The following FAH variants were observed in gnomAD, a reference collection of about 807,000 sequenced individuals.
FAH encodes the protein fumarylacetoacetate hydrolase, also known as fumarylacetoacetase.
FAH carries 47 observed loss-of-function variants against 55.8 expected under a neutral mutation model. The observed-to-expected ratio is 0.84, with a 90% CI of 0.67 to 1.07. The LOEUF (loss-of-function observed/expected upper bound fraction) is 1.07. Among genes scored for constraint, FAH ranks in the 50% least tolerant of loss-of-function variants. The pLI, the probability that FAH is intolerant of heterozygous loss-of-function variation, is 0.00. For synonymous variants in FAH, 199 were observed against 207.7 expected (o/e 0.96, Z 0.36); for missense variants, 495 against 545.9 (o/e 0.91, Z 0.93).
intron 5 of FAH, chr15:80,167,290 C>A (rs1202516817): frequency 6.6e-6 from 1 of 152,520 alleles, no homozygotes; most frequent in Admixed American, 6.5e-5. Flanking sequence ...CCGTCCTTGT[C>A]CTTGCTGCTT....
intron 13 of FAH, among the ~76,000 whole-genome samples, chr15:80,184,237 G>A (rs116121236): frequency 1.1e-3 from 170 of 152,266 alleles, no homozygotes; most frequent in African/African-American, 3.7e-3. Context: ...GTTATGATTT[G>A]TTGTGGATTC....
At chr15:80,169,481 A>C (rs1368470272) in intron 7 of FAH, among the ~76,000 whole-genome samples, 1 of 152,192 alleles carries the variant, frequency 6.6e-6, no homozygotes, top group Non-Finnish European at 1.5e-5. Flanking sequence ...ACAACCTCAG[A>C]ACTGTGGTCA....
chr15:80,160,580 G>A, intron 4 of FAH, 121 bp downstream of exon 4: 1 of 900,972 alleles, frequency 1.1e-6, no homozygotes, highest in Non-Finnish European at 1.8e-6. Flanking sequence ...AGATGGAGGA[G>A]GGGCTCTGGG....
At chr15:80,161,274 T>G (rs142889834) in intron 4 of FAH, among the ~76,000 whole-genome samples, 1 of 151,748 alleles carries the variant, frequency 6.6e-6, no homozygotes, top group Non-Finnish European at 1.5e-5. Flanking sequence ...CTTTCTTGTT[T>G]TTTTTTTTTT....
intron 8 of FAH, 26 bp downstream of exon 8, chr15:80,172,274 AGAG>A: frequency 3.9e-6 from 6 of 1,545,288 alleles, no homozygotes; most frequent in Non-Finnish European, 5.4e-6. Flanking sequence ...CTGCTCCTGT[AGAG>A]ATGACGGGGA....
chr15:80,155,870 A>G, intron 1 of FAH: 1 of 470,288 alleles, frequency 2.1e-6, no homozygotes, highest in Non-Finnish European at 4.2e-6. Context: ...CTTATAAGAA[A>G]GATCAAAGAC....
intron 10 of FAH, 39 bp downstream of exon 10, chr15:80,175,130 G>A (rs1398161005): frequency 3.8e-6 from 6 of 1,573,148 alleles, no homozygotes; most frequent in Middle Eastern, 3.3e-4. Context: ...GGAGCTCTGA[G>A]GCAATGTGTG....
chr15:80,153,277 G>T (rs563018217), intron 1 of FAH, 142 bp downstream of exon 1: 1 of 732,012 alleles, frequency 1.4e-6, no homozygotes, highest in Non-Finnish European at 2.4e-6. Flanking sequence ...TTCGTTCCGT[G>T]AGAGTGCCTA....
At position 80,159,842 on chromosome 15, in the gene FAH, A is replaced by G. The variant is rs2041133059; in HGVS notation, c.279A>G (p.Gln93=). ...TGCAGAACTTGCTGTCTGTGAGCCA[A>G]GCCAGGCTCAGAGATGACACCGAAC... is the stretch of plus-strand genomic sequence containing the variant. ...VFLQNLLSVS[Q]ARLRDDTELR... The change falls in exon 3 of 14, where the codon CAA becomes CAG. Residue 93 remains glutamine, a synonymous_variant. Coordinates refer to ENST00000561421, the MANE Select transcript of FAH (RefSeq NM_000137.4). 6.2e-7 allele frequency: 1 copy of G among 1,614,130 alleles called. No homozygotes were observed. The highest frequency in any genetic ancestry group is 8.5e-7 in the Non-Finnish European group (1 of 1,180,042).
At chr15:80,180,911 G>A (rs927367612) in intron 12 of FAH, 131 bp from the exon 13 acceptor site, 13 of 714,930 alleles carry the variant, frequency 1.8e-5, no homozygotes, top group East Asian at 1.7e-4. Flanking sequence ...CACCAAGGCC[G>A]AGGCAGGGTC....
chr15:80,171,741 C>A (rs1314071642), intron 7 of FAH, among the ~76,000 whole-genome samples: 1 of 152,184 alleles, frequency 6.6e-6, no homozygotes, highest in Non-Finnish European at 1.5e-5. Flanking sequence ...AGATTATAGA[C>A]GTGAGCCACA....
At chr15:80,169,688 C>T (rs1014376219) in intron 7 of FAH, among the ~76,000 whole-genome samples, 2 of 152,020 alleles carry the variant, frequency 1.3e-5, no homozygotes, top group Admixed American at 6.5e-5. Context: ...CACCTTCCAC[C>T]ATGCCTGGCT....
At chr15:80,182,372 G>A (rs527635047) in intron 13 of FAH, among the ~76,000 whole-genome samples, 43 of 152,336 alleles carry the variant, frequency 2.8e-4, no homozygotes, top group African/African-American at 9.6e-4. Context: ...GGAGAGCAAA[G>A]TTTAGTCCAA....
At chr15:80,167,938 T>C in intron 5 of FAH, 114 bp from the exon 6 acceptor site, 1 of 816,164 alleles carries the variant, frequency 1.2e-6, no homozygotes, top group South Asian at 1.4e-5. Context: ...ACCTGTTGAT[T>C]TTTGAGCCAT....
chr15:80,153,264 AGATTCG>A, intron 1 of FAH, 129 bp downstream of exon 1: 1 of 785,352 alleles, frequency 1.3e-6, no homozygotes, highest in South Asian at 1.5e-5. Flanking sequence ...TTTTCTCTTA[AGATTCG>A]TTCCGTGAGA....
At chr15:80,177,839 T>C (rs1411976278) in intron 11 of FAH, among the ~76,000 whole-genome samples, 2 of 152,210 alleles carry the variant, frequency 1.3e-5, no homozygotes, top group East Asian at 3.8e-4. Context: ...TAGTTCCTGG[T>C]TTATCCTGTC....
chr15:80,186,765 G>A (rs2041374688), downstream of FAH: 1 of 198,120 alleles, frequency 5.0e-6, no homozygotes, highest in Admixed American at 5.3e-5. Context: ...TCATTGTTTG[G>A]TGAAGGCCAT....
At position 80,158,279 on chromosome 15, in the gene FAH, G is replaced by A. The variant is rs11072882; in HGVS notation, c.192+109G>A. The stretch of plus-strand genomic sequence containing the variant: ...TTCCGATAGAGGTAATGCCATCGAA[G>A]GTCTCAGAGGTTATACTTGGATAAG... On this transcript the variant is annotated intron_variant, in intron 2 of 13. Transcript: ENST00000561421. The A allele has an allele frequency of 1.6e-3, 1,383 of 847,734 alleles. 18 individuals are homozygous for A. The African/African-American group carries it at 0.02, about 12-fold the overall frequency. 52.5% of individuals were successfully genotyped at this position (847,734 alleles called of 1,614,324 possible). A position where few individuals can be genotyped will look rare whatever the true frequency, so the allele number is the denominator to read the frequency against.
At position 80,168,252 on chromosome 15, in the gene FAH, G is replaced by A; in HGVS notation, c.554-12G>A. ...CAGCACCGTTTTTTTTTTTTTTCTG[G>A]TGTTATTCCAGCTAAGCCTCCCGTA... On this transcript the variant is annotated splice_polypyrimidine_tract_variant and intron_variant, in intron 6 of 13. Transcript: ENST00000561421. 6.3e-7 allele frequency: 1 copy of A among 1,596,310 alleles called. No individual in the cohort carries two copies. Among genetic ancestry groups the A allele is most frequent in the African/African-American group, 1.4e-5 (1 of 73,854 alleles).
Sources: gnomAD v4.1 joint callset for allele counts (sites outside exome capture counted in the v4.1 genomes callset) on GRCh38, gnomAD v4.1.1 for gene constraint, MANE v1.5 for transcripts, NCBI Gene and HGNC (gene_info 2026-07-23, HGNC 2026-07-21) for gene names.